The following DYNC1I2 variants were observed in gnomAD, a reference collection of about 807,000 sequenced individuals.
DYNC1I2 encodes the protein dynein cytoplasmic 1 intermediate chain 2.
DYNC1I2 carries 53 observed loss-of-function variants against 88.6 expected under a neutral mutation model. That is an observed-to-expected ratio of 0.60 (90% CI 0.48 to 0.75). The LOEUF is 0.75. DYNC1I2 is among the 30% of genes least tolerant of loss of function. The pLI, the probability that DYNC1I2 is intolerant of heterozygous loss-of-function variation, is 0.00. For synonymous variants in DYNC1I2, 198 were observed against 254.6 expected, an observed-to-expected ratio of 0.78 and a Z score of 2.12; for missense variants, 458 against 766.6, an observed-to-expected ratio of 0.60 and a Z score of 4.75.
chr2:171,726,408 T>TTAATG (rs1209495689), intron 10 of DYNC1I2, 115 bp downstream of exon 10: 27 of 711,162 alleles, frequency 3.8e-5, no homozygotes, highest in Non-Finnish European at 5.2e-5. Flanking sequence ...TTATTTAAAA[T>TTAATG]TAATGGATGA....
chr2:171,705,688 G>T (rs1686628405), intron 3 of DYNC1I2, among the ~76,000 whole-genome samples: 1 of 151,908 alleles, frequency 6.6e-6, no homozygotes, highest in Admixed American at 6.6e-5. Context: ...ATAAATTAAG[G>T]GACATTAATA....
At position 171,744,102 on chromosome 2, in the gene DYNC1I2, T is replaced by C. The variant is rs1689628396; in HGVS notation, c.1590T>C (p.Val530=). ...FEDNADYVYD[V]MWSPTHPALF... is the part of the protein sequence containing the mutation. ...ATAATGCAGACTATGTTTATGATGT[T>C]ATGTGGTCACCTACCCACCCAGCCC... The change falls in exon 16 of 18, where the codon GTT becomes GTC. Residue 530 remains valine (V), a synonymous_variant. Coordinates refer to ENST00000397119, the MANE Select transcript of DYNC1I2 (RefSeq NM_001378.3). The C allele has an allele frequency of 6.2e-7, 1 of 1,613,104 alleles. No individual in the cohort carries two copies. The highest frequency in any genetic ancestry group is 1.7e-5 in the Admixed American group (1 of 59,914).
intron 15 of DYNC1I2, 45 bp from the exon 16 acceptor site, chr2:171,744,004 T>A: frequency 1.3e-6 from 2 of 1,502,760 alleles, no homozygotes; most frequent in Non-Finnish European, 1.8e-6. Flanking sequence ...TAATGATTTG[T>A]ATGTCATATA....
At chr2:171,707,997 A>G (rs1210862572) in intron 5 of DYNC1I2, among the ~76,000 whole-genome samples, 1 of 152,064 alleles carries the variant, frequency 6.6e-6, no homozygotes, top group Non-Finnish European at 1.5e-5. Flanking sequence ...TCAAAAGTTC[A>G]GTAAGATTTC....
At chr2:171,737,193 C>T (rs1412071219) in intron 15 of DYNC1I2, among the ~76,000 whole-genome samples, 1 of 152,140 alleles carries the variant, frequency 6.6e-6, no homozygotes, top group Non-Finnish European at 1.5e-5. Context: ...CAGCCTCTGC[C>T]TCTGTCATCA....
rs1447465742 is a variant in DYNC1I2, at chr2:171,687,537, A to G, written c.-100A>G. The G allele has an allele frequency of 6.6e-6, 1 of 152,182 alleles. No individual in the cohort carries two copies. Among genetic ancestry groups the G allele is most frequent in the Non-Finnish European group, 1.5e-5 (1 of 68,054 alleles). The allele number at this position is 152,182 out of a possible 1,614,324, so 9.4% of individuals were successfully genotyped here. On this transcript the variant is annotated 5_prime_UTR_variant, in exon 1 of 18. Coordinates refer to ENST00000397119, the MANE Select transcript of DYNC1I2 (RefSeq NM_001378.3). ...TTCCTGGCCTGAGAATATTAGGCGT[A>G]GTTTTCCAGTTTTTGGCAAAGCGGA...
At position 171,690,233 on chromosome 2, in the gene DYNC1I2, G is replaced by A; in HGVS notation, c.78G>A (p.Lys26=). Reference sequence around the variant, plus strand: ...TGGCCCAAATCAGAGAGGAAAAGAAGAGAAAAGAAGAAGAAAGGAAAAAAA... The same window carrying A: ...TGGCCCAAATCAGAGAGGAAAAGAAAAGAAAAGAAGAAGAAAGGAAAAAAA... ...QRLAQIREEK[K]RKEEERKKKE... Residue 26 remains lysine (K), a synonymous_variant, in exon 2 of 18, where the codon AAG becomes AAA. Transcript: ENST00000397119. The A allele has an allele frequency of 6.5e-7, 1 of 1,544,526 alleles. No homozygotes were observed. Among genetic ancestry groups the A allele is most frequent in the South Asian group, 1.2e-5 (1 of 82,036 alleles).
chr2:171,733,459 C>CTTGTTTTTTTTTTTTT (rs1688765581), intron 15 of DYNC1I2, among the ~76,000 whole-genome samples: 1 of 55,772 alleles, frequency 1.8e-5, no homozygotes. Flanking sequence ...TTGCCAGCAT[C>CTTGTTTTTTTTTTTTT]TTTTTTTTTT....
At chr2:171,721,121 TAA>T (rs1170082849) in intron 7 of DYNC1I2, among the ~76,000 whole-genome samples, 1,041 of 60,782 alleles carry the variant, frequency 0.017, 7 homozygotes, top group Middle Eastern at 0.026. Context: ...CCCCATCTCT[TAA>T]AAAAAAAAAA....
intron 14 of DYNC1I2, 42 bp from the exon 15 acceptor site, chr2:171,729,667 T>A (rs781775327): frequency 6.2e-7 from 1 of 1,608,814 alleles, no homozygotes; most frequent in South Asian, 1.1e-5. Flanking sequence ...ATTGGTCTAC[T>A]TATAGGAGAC....
intron 4 of DYNC1I2, 125 bp from the exon 5 acceptor site, chr2:171,707,162 A>G: frequency 7.2e-7 from 1 of 1,390,596 alleles, no homozygotes; most frequent in South Asian, 1.3e-5. Flanking sequence ...TATATTTTTG[A>G]TTTTTGGTTT....
chr2:171,729,909 T>C, intron 15 of DYNC1I2, 56 bp downstream of exon 15: 1 of 1,584,406 alleles, frequency 6.3e-7, no homozygotes, highest in Non-Finnish European at 8.6e-7. Context: ...AAGGTGGTGA[T>C]CTAATACTAC....
At chr2:171,742,396 T>C (rs1178768471) in intron 15 of DYNC1I2, among the ~76,000 whole-genome samples, 2 of 152,132 alleles carry the variant, frequency 1.3e-5, no homozygotes, top group Non-Finnish European at 2.9e-5. Context: ...GGTCTCAAAC[T>C]CCTGAGCTCA....
At position 171,729,724 on chromosome 2, in the gene DYNC1I2, T is replaced by G; in HGVS notation, c.1407T>G (p.Ser469Arg). The change falls in exon 15 of 18, where the codon AGT (serine) becomes AGG (arginine). Residue 469 changes from serine to arginine, a missense_variant. Around this residue, in one of 5 missense-constraint regions of DYNC1I2, gnomAD observed 188 missense variants for 300.4 expected, o/e 0.63. Transcript: ENST00000397119. ...ACRHGSKAGISEMFEGHQGPI... is the reference protein window; with the variant it reads ...ACRHGSKAGIREMFEGHQGPI... ...ATGAAATTAGCAAAGCTGGAATCAG[T>G]GAGATGTTTGAGGGGCATCAAGGAC... 6.2e-7 allele frequency: 1 copy of G among 1,612,584 alleles called. No homozygotes were observed. The highest frequency in any genetic ancestry group is 8.5e-7 in the Non-Finnish European group (1 of 1,179,718).
chr2:171,697,372 C>A (rs1326780542), intron 3 of DYNC1I2, among the ~76,000 whole-genome samples: 1 of 152,062 alleles, frequency 6.6e-6, no homozygotes, highest in Admixed American at 6.6e-5. Flanking sequence ...CTTTTTGCCT[C>A]ATGATATCTA....
intron 3 of DYNC1I2, among the ~76,000 whole-genome samples, chr2:171,705,462 A>G (rs1686608041): frequency 6.6e-6 from 1 of 152,060 alleles, no homozygotes. Flanking sequence ...CTGAGTATGA[A>G]ATTAGGTATG....
chr2:171,704,729 A>T (rs1353336279), intron 3 of DYNC1I2, among the ~76,000 whole-genome samples: 1 of 152,154 alleles, frequency 6.6e-6, no homozygotes, highest in Non-Finnish European at 1.5e-5. Context: ...GAATGCATGC[A>T]TTCATTTGTT....
At position 171,716,318 on chromosome 2, in the gene DYNC1I2, A is replaced by G. The variant is rs186282130; in HGVS notation, c.511+875A>G. Among the ~76,000 whole-genome samples the G allele has an allele frequency of 1.3e-3, 192 of 152,332 alleles. 2 individuals carry two copies. The highest frequency in any genetic ancestry group is 4.4e-3 in the African/African-American group (181 of 41,584). On this transcript the variant is annotated intron_variant, in intron 7 of 17. Coordinates refer to ENST00000397119, the MANE Select transcript of DYNC1I2 (RefSeq NM_001378.3). The stretch of plus-strand genomic sequence containing the variant: ...ATGAACATACTAAGTGAGATAAGTA[A>G]TGATTATAAATAGCTTTACCTCTGA...
At chr2:171,689,882 C>CTTTTTTTTTTT (rs10716223) in intron 1 of DYNC1I2, among the ~76,000 whole-genome samples, 2 of 54,156 alleles carry the variant, frequency 3.7e-5, no homozygotes, top group Admixed American at 2.8e-4. Context: ...TTTTTCTTGC[C>CTTTTTTTTTTT]TTTTTTTTTT....
Sources: gnomAD v4.1 joint callset for allele counts (sites outside exome capture counted in the v4.1 genomes callset) on GRCh38, gnomAD v4.1.1 for gene constraint, gnomAD v4.1.1 regional missense constraint, MANE v1.5 for transcripts, NCBI Gene and HGNC (gene_info 2026-07-23, HGNC 2026-07-21) for gene names.